CRIM1: variants seen among roughly 807,000 people sequenced by gnomAD.
The protein encoded by CRIM1 is cysteine-rich motor neuron 1 protein.
Under a neutral mutation model 116.4 loss-of-function variants are expected in CRIM1, and 32 were observed. The ratio of observed to expected loss-of-function variants is 0.27; its 90% confidence interval spans 0.21 to 0.37. The LOEUF (loss-of-function observed/expected upper bound fraction) is 0.37. CRIM1 is among the 10% of genes least tolerant of loss of function. CRIM1 has a pLI of 1.00. For synonymous variants in CRIM1, 590 were observed against 509.2 expected (o/e 1.16, Z -2.13); for missense variants, 1,331 against 1,354.8 (o/e 0.98, Z 0.28).
intron 4 of CRIM1, among the ~76,000 whole-genome samples, chr2:36,453,072 T>C (rs1416561683): frequency 6.6e-6 from 1 of 152,206 alleles, no homozygotes; most frequent in East Asian, 1.9e-4. Context: ...GTAATGAAAA[T>C]ACCAAAAGCA....
chr2:36,374,706 C>G (rs548953178), intron 1 of CRIM1, among the ~76,000 whole-genome samples: 1 of 152,148 alleles, frequency 6.6e-6, no homozygotes, highest in East Asian at 1.9e-4. Context: ...AGAGAAAATC[C>G]TATGTAGTCG....
Position 36,356,739 on chromosome 2 carries a change from G to A in CRIM1, c.331+116G>A. 1.9e-6 allele frequency: 2 copies of A among 1,051,510 alleles called. No homozygotes were observed. The highest frequency in any genetic ancestry group is 2.7e-6 in the Non-Finnish European group (2 of 744,960). The allele number at this position is 1,051,510 out of a possible 1,614,324, so 65.1% of individuals were successfully genotyped here. On this transcript the variant is annotated intron_variant, in intron 1 of 16. Transcript: ENST00000280527. The surrounding 1 kb of genome is among the most constrained non-coding windows in gnomAD (Gnocchi z 4.3). ...TGGAGGAAAGAGGGCTCTGCGGGAA[G>A]AGGGGCGGCCGCCGCCCCCAGGAGA...
intron 8 of CRIM1, among the ~76,000 whole-genome samples, chr2:36,506,416 A>G (rs1337671881): frequency 1.4e-4 from 21 of 151,974 alleles, no homozygotes; most frequent in Admixed American, 1.2e-3. Flanking sequence ...CTGTTTGAGG[A>G]CCTGCTGTAC....
intron 2 of CRIM1, among the ~76,000 whole-genome samples, chr2:36,432,405 TC>T (rs2124905623): frequency 6.6e-6 from 1 of 152,326 alleles, no homozygotes; most frequent in Non-Finnish European, 1.5e-5. Flanking sequence ...GGCAATTTTT[TC>T]TGGGAGTAGG....
chr2:36,548,664 A>G lies in CRIM1; in HGVS notation c.3074A>G (p.Asn1025Ser). The G allele has an allele frequency of 1.2e-6, 2 of 1,607,178 alleles. No homozygotes were observed. The highest frequency in any genetic ancestry group is 1.3e-5 in the African/African-American group (1 of 74,532). The change falls in exon 17 of 17, where the codon AAC (asparagine) becomes AGC (serine). Residue 1025 changes from asparagine to serine, a missense_variant. Transcript: ENST00000280527. ...GGCTTCTACAGCATGCAAAAACAGA[A>G]CCATCTACAGGCAGACAATTTCTAC... ...FSGFYSMQKQ[N>S]HLQADNFYQT... is the part of the protein sequence containing the mutation.
intron 1 of CRIM1, among the ~76,000 whole-genome samples, chr2:36,375,266 C>T (rs1017454394): frequency 9.2e-5 from 14 of 152,052 alleles, no homozygotes; most frequent in African/African-American, 2.4e-4. Context: ...AAAAAAACTT[C>T]GGATCATTAT....
At chr2:36,412,080 CT>C (rs1007033138) in intron 2 of CRIM1, among the ~76,000 whole-genome samples, 3 of 152,148 alleles carry the variant, frequency 2.0e-5, no homozygotes, top group Non-Finnish European at 4.4e-5. Flanking sequence ...GTTGACATTT[CT>C]AAAGCAACAA....
chr2:36,420,712 A>G (rs1019118807), intron 2 of CRIM1, among the ~76,000 whole-genome samples: 2 of 150,682 alleles, frequency 1.3e-5, no homozygotes, highest in African/African-American at 4.8e-5. Flanking sequence ...CAGAGAAGGC[A>G]TAGGGACATG....
intron 7 of CRIM1, among the ~76,000 whole-genome samples, chr2:36,496,836 C>T (rs893792794): frequency 1.3e-5 from 2 of 152,128 alleles, no homozygotes; most frequent in African/African-American, 4.8e-5. Context: ...TAACCCAGTC[C>T]ATTTGTTCCT....
At chr2:36,488,847 C>G (rs1244960769) in intron 7 of CRIM1, among the ~76,000 whole-genome samples, 1 of 152,146 alleles carries the variant, frequency 6.6e-6, no homozygotes, top group Non-Finnish European at 1.5e-5. Flanking sequence ...ACTAAGAATC[C>G]TCAAGATCCT....
At chr2:36,367,503 A>C (rs1049830222) in intron 1 of CRIM1, among the ~76,000 whole-genome samples, 3 of 152,230 alleles carry the variant, frequency 2.0e-5, no homozygotes, top group South Asian at 2.1e-4. Context: ...TTAATTTGTC[A>C]AAAGGGAATT....
At chr2:36,463,928 A>G (rs1677787034) in intron 4 of CRIM1, among the ~76,000 whole-genome samples, 1 of 152,238 alleles carries the variant, frequency 6.6e-6, no homozygotes, top group South Asian at 2.1e-4. Context: ...CTCTTTATAA[A>G]GAGCTCCTCA....
chr2:36,511,826 A>C (rs1469487457), intron 9 of CRIM1, among the ~76,000 whole-genome samples: 1 of 125,966 alleles, frequency 7.9e-6, no homozygotes, highest in Non-Finnish European at 1.6e-5. Context: ...TACTTTCTGC[A>C]TGCAGCAGAT....
chr2:36,364,025 T>C (rs1669425852), intron 1 of CRIM1, among the ~76,000 whole-genome samples: 1 of 152,244 alleles, frequency 6.6e-6, no homozygotes, highest in Admixed American at 6.5e-5. Context: ...TGCTTTACAG[T>C]AGTGACATCA....
chr2:36,411,928 T>C (rs111287922), intron 2 of CRIM1, among the ~76,000 whole-genome samples: 1,890 of 152,358 alleles, frequency 0.012, 51 homozygotes, highest in African/African-American at 0.043. Flanking sequence ...GCTTCCATTT[T>C]CATTTCCCTT....
Position 36,356,292 on chromosome 2 carries a change from G to C in CRIM1, c.-1G>C. ...GGAGGAGGCGGCGGCGGCGCAGGAG[G>C]ATGTACTTGGTGGCGGGGGACAGGG... On this transcript the variant is annotated 5_prime_UTR_variant, in exon 1 of 17. Transcript: ENST00000280527. This position sits in a 1 kb window ranked among gnomAD's most constrained non-coding sequence, Gnocchi z 4.3. 1 of 1,504,596 alleles carries C rather than the reference G, an allele frequency of 6.6e-7. No homozygotes were observed. The highest frequency in any genetic ancestry group is 8.9e-7 in the Non-Finnish European group (1 of 1,122,480). 93.2% of individuals were successfully genotyped at this position (1,504,596 alleles called of 1,614,324 possible).
At chr2:36,517,599 T>C (rs1462417808) in intron 12 of CRIM1, 57 bp downstream of exon 12, 2 of 1,539,472 alleles carry the variant, frequency 1.3e-6, no homozygotes, top group Non-Finnish European at 1.8e-6. Flanking sequence ...CTCTGGGTGT[T>C]GTCATTCTGT....
chr2:36,532,185 G>C (rs1244984846), intron 13 of CRIM1, among the ~76,000 whole-genome samples: 2 of 152,218 alleles, frequency 1.3e-5, no homozygotes, highest in Non-Finnish European at 2.9e-5. Flanking sequence ...CATCGCAAGA[G>C]GAAAATTCCA....
rs963807324 is a variant in CRIM1 at position 36,464,796 on chromosome 2, C to T, written c.991+141C>T. 1.9e-5 allele frequency: 18 copies of T among 947,468 alleles called. No individual in the cohort carries two copies. The Middle Eastern group carries it at 8.3e-4, about 44-fold the overall frequency. 58.7% of individuals were successfully genotyped at this position (947,468 alleles called of 1,614,324 possible). A position where few individuals can be genotyped will look rare whatever the true frequency, so the allele number is the denominator to read the frequency against. ...GCTGAAGGGCACTCAAAAAGGTTTG[C>T]TTAAGATCCACAGTGCAGTAAAGAA... On this transcript the variant is annotated intron_variant, in intron 5 of 16. Coordinates refer to ENST00000280527, the MANE Select transcript of CRIM1 (RefSeq NM_016441.3).
Sources: gnomAD v4.1 joint callset for allele counts (sites outside exome capture counted in the v4.1 genomes callset) on GRCh38, gnomAD v4.1.1 for gene constraint, Gnocchi (gnomAD v3.1) non-coding constraint, MANE v1.5 for transcripts, NCBI Gene and HGNC (gene_info 2026-07-23, HGNC 2026-07-21) for gene names.